Variants in TMEM178B observed in about 807,000 individuals in gnomAD.
TMEM178B encodes the protein transmembrane protein 178B.
TMEM178B carries 5 observed loss-of-function variants against 31.0 expected under a neutral mutation model. The observed-to-expected ratio is 0.16, with a 90% CI of 0.08 to 0.34. The LOEUF (loss-of-function observed/expected upper bound fraction) is 0.34. Ranked by LOEUF, TMEM178B falls within the 10% of genes least tolerant of loss-of-function variation. The pLI, the probability that TMEM178B is intolerant of heterozygous loss-of-function variation, is 1.00. For synonymous variants in TMEM178B, 164 were observed against 164.0 expected (o/e 1.00, Z 0.00); for missense variants, 275 against 400.3 (o/e 0.69, Z 2.67).
At chr7:141,320,341 T>C (rs1333966311) in intron 2 of TMEM178B, among the ~76,000 whole-genome samples, 1 of 152,164 alleles carries the variant, frequency 6.6e-6, no homozygotes, top group Non-Finnish European at 1.5e-5. Flanking sequence ...ACAACGTATG[T>C]GTTCATAACA....
At chr7:141,430,208 G>A (rs971013735) in intron 2 of TMEM178B, 13 of 152,194 alleles carry the variant, frequency 8.5e-5, no homozygotes, top group Admixed American at 8.5e-4. Context: ...AAAAGCATAA[G>A]GACAGCTTCC....
At chr7:141,325,066 T>G (rs1315074520) in intron 2 of TMEM178B, among the ~76,000 whole-genome samples, 1 of 152,146 alleles carries the variant, frequency 6.6e-6, no homozygotes, top group Non-Finnish European at 1.5e-5. Context: ...ACTCCCATGC[T>G]CTTAGTGATA....
chr7:141,503,425 T>A, the TMEM178B span, among the ~76,000 whole-genome samples: 3 of 151,842 alleles, frequency 2.0e-5, no homozygotes, highest in African/African-American at 7.3e-5. Flanking sequence ...CTATAAGGAG[T>A]AGTGGGGATG....
chr7:141,160,842 A>G (rs1796157650), intron 1 of TMEM178B, among the ~76,000 whole-genome samples: 1 of 152,046 alleles, frequency 6.6e-6, no homozygotes, highest in African/African-American at 2.4e-5. Context: ...AATTCAACAC[A>G]TTTTTATTGG....
chr7:141,225,963 TTTGC>T lies in TMEM178B; in HGVS notation c.496+13263_496+13266del, dbSNP rs542415768. ...ATTCTGCCACGTTTCCCTGAGGCTC[TTTGC>T]TTGGGCGCCTGGCACCAAATTAGAA... On this transcript the variant is annotated intron_variant, in intron 2 of 3. Transcript: ENST00000565468. Among the ~76,000 whole-genome samples, 16 of 152,286 alleles carry T rather than the reference TTTGC, an allele frequency of 1.1e-4. No individual in the cohort carries two copies. In the East Asian group the frequency reaches 2.9e-3, roughly 28 times the overall value.
At chr7:141,315,292 C>G (rs1489474581) in intron 2 of TMEM178B, among the ~76,000 whole-genome samples, 4 of 152,178 alleles carry the variant, frequency 2.6e-5, no homozygotes, top group African/African-American at 9.7e-5. Context: ...TGTGCAAACT[C>G]TTTACCATTG....
intron 2 of TMEM178B, among the ~76,000 whole-genome samples, chr7:141,289,765 C>T (rs1330867241): frequency 2.0e-5 from 3 of 150,182 alleles, no homozygotes; most frequent in Non-Finnish European, 4.4e-5. Context: ...GAGAATGCAT[C>T]AAGGTGCAGG....
At chr7:141,133,094 A>G (rs1406405922) in intron 1 of TMEM178B, among the ~76,000 whole-genome samples, 4 of 152,200 alleles carry the variant, frequency 2.6e-5, no homozygotes, top group Admixed American at 2.6e-4. Context: ...GTCTTTCCCT[A>G]TGAAAGCCAA....
intron 2 of TMEM178B, among the ~76,000 whole-genome samples, chr7:141,420,148 C>T (rs1017375138): frequency 6.6e-6 from 1 of 151,958 alleles, no homozygotes; most frequent in Non-Finnish European, 1.5e-5. Context: ...CATTACAGCT[C>T]ATCCCCCAAC....
intron 2 of TMEM178B, among the ~76,000 whole-genome samples, chr7:141,301,928 C>T (rs1220529904): frequency 6.6e-6 from 1 of 152,142 alleles, no homozygotes; most frequent in African/African-American, 2.4e-5. Flanking sequence ...ATCCATTGTT[C>T]AGACGAAGAA....
intron 2 of TMEM178B, among the ~76,000 whole-genome samples, chr7:141,408,323 G>T (rs865857059): frequency 1.1e-4 from 17 of 152,228 alleles, no homozygotes; most frequent in African/African-American, 3.9e-4. Flanking sequence ...GACAGCTGCA[G>T]ATCCTTTCAT....
At chr7:141,306,733 C>A (rs1307719408) in intron 2 of TMEM178B, among the ~76,000 whole-genome samples, 7 of 151,880 alleles carry the variant, frequency 4.6e-5, no homozygotes, top group Non-Finnish European at 1.0e-4. Context: ...TTGTGCCATC[C>A]CTCTGTTTAA....
At chr7:141,337,256 TCATCACCACCACCAC>T (rs1438858359) in intron 2 of TMEM178B, among the ~76,000 whole-genome samples, 1 of 67,368 alleles carries the variant, frequency 1.5e-5, no homozygotes, top group Non-Finnish European at 2.9e-5. Flanking sequence ...CATGATCACA[TCATCACCACCACCAC>T]CATCACCACT....
intron 2 of TMEM178B, among the ~76,000 whole-genome samples, chr7:141,336,051 C>T (rs921224194): frequency 2.0e-5 from 3 of 152,192 alleles, no homozygotes; most frequent in African/African-American, 7.2e-5. Context: ...GTTTGACAGT[C>T]TTTTCAACTG....
At chr7:141,462,667 A>G (rs1802079580) in intron 3 of TMEM178B, among the ~76,000 whole-genome samples, 1 of 152,126 alleles carries the variant, frequency 6.6e-6, no homozygotes, top group African/African-American at 2.4e-5. Flanking sequence ...CCAGAGAAAT[A>G]TTAATGAGGG....
At chr7:141,313,851 A>G (rs1292114742) in intron 2 of TMEM178B, among the ~76,000 whole-genome samples, 2 of 149,584 alleles carry the variant, frequency 1.3e-5, no homozygotes, top group East Asian at 3.9e-4. Context: ...TTTCAGAAAA[A>G]TGTAGAGGCA....
rs1012939072 is a variant in TMEM178B at position 141,247,030 on chromosome 7, C to T, written c.496+34326C>T. Among the ~76,000 whole-genome samples, 6 of 152,104 alleles carry T rather than the reference C, an allele frequency of 3.9e-5. No individual in the cohort carries two copies. The East Asian group carries it at 5.8e-4, about 15-fold the overall frequency. On this transcript the variant is annotated intron_variant, in intron 2 of 3. Transcript: ENST00000565468. ...GGTCAGGGAACATGTGTCTCTGATT[C>T]GCGATAGGACTTTTCCCAGTATCTA... is the stretch of plus-strand genomic sequence containing the variant.
At chr7:141,077,173 A>G (rs1433588501) in intron 1 of TMEM178B, among the ~76,000 whole-genome samples, 1 of 152,246 alleles carries the variant, frequency 6.6e-6, no homozygotes, top group Non-Finnish European at 1.5e-5. Flanking sequence ...TGATATCCCT[A>G]TATTTAAATG....
At chr7:141,441,653 A>G (rs559293147) in intron 3 of TMEM178B, among the ~76,000 whole-genome samples, 141 of 152,318 alleles carry the variant, frequency 9.3e-4, no homozygotes, top group Admixed American at 3.5e-3. Flanking sequence ...AGAATGAAGA[A>G]GGTAAATTTG....
Sources: allele counts gnomAD v4.1 joint callset (sites outside exome capture counted in the v4.1 genomes callset), GRCh38; gene constraint gnomAD v4.1.1; transcripts MANE v1.5; gene names NCBI Gene and HGNC (gene_info 2026-07-23, HGNC 2026-07-21).